The following TMEM50A variants were observed in gnomAD, a reference collection of about 807,000 sequenced individuals.
TMEM50A encodes the protein transmembrane protein 50A.
Under a neutral mutation model 23.9 loss-of-function variants are expected in TMEM50A, and 8 were observed. The observed-to-expected ratio is 0.33, with a 90% CI of 0.20 to 0.60. The LOEUF (loss-of-function observed/expected upper bound fraction) is 0.60. Among genes scored for constraint, TMEM50A ranks in the 20% least tolerant of loss-of-function variants. TMEM50A has a pLI of 0.81. For synonymous variants in TMEM50A, 55 were observed against 60.4 expected (o/e 0.91, Z 0.41); for missense variants, 178 against 192.7 (o/e 0.92, Z 0.45).
intron 3 of TMEM50A, among the ~76,000 whole-genome samples, chr1:25,348,794 C>T (rs1039729258): frequency 1.3e-5 from 2 of 152,078 alleles, no homozygotes; most frequent in Admixed American, 6.5e-5. Flanking sequence ...TCTGTTTTCT[C>T]TTTCTCTAAC....
At chr1:25,338,506 G>C (rs1186159167) in intron 1 of TMEM50A, 50 bp downstream of exon 1, 1 of 152,458 alleles carries the variant, frequency 6.6e-6, no homozygotes, top group South Asian at 2.1e-4. Flanking sequence ...CCGCAGGCTG[G>C]AGAGGCCTCG....
chr1:25,341,296 C>T (rs1018052932), intron 2 of TMEM50A, among the ~76,000 whole-genome samples: 2 of 151,830 alleles, frequency 1.3e-5, no homozygotes, highest in African/African-American at 4.8e-5. Context: ...CTCAGTCTGT[C>T]GCCCAGGCTG....
chr1:25,339,119 G>T (rs1229617325), intron 1 of TMEM50A, among the ~76,000 whole-genome samples: 2 of 152,254 alleles, frequency 1.3e-5, no homozygotes, highest in East Asian at 1.9e-4. Context: ...CTATTGTAGG[G>T]TGTCATATTT....
At chr1:25,360,132 G>A (rs1362515886) in intron 6 of TMEM50A, among the ~76,000 whole-genome samples, 1 of 152,108 alleles carries the variant, frequency 6.6e-6, no homozygotes, top group African/African-American at 2.4e-5. Context: ...GGCGGATCAC[G>A]AGGTCAGGAG....
intron 3 of TMEM50A, among the ~76,000 whole-genome samples, chr1:25,346,633 C>G (rs528566213): frequency 3.0e-4 from 45 of 152,252 alleles, no homozygotes; most frequent in South Asian, 1.7e-3. Context: ...CTCCTGGTCT[C>G]AAGTGATTCT....
chr1:25,356,643 C>G (rs547552544), intron 5 of TMEM50A, 150 bp from the exon 6 acceptor site: 58 of 594,642 alleles, frequency 9.8e-5, no homozygotes, highest in African/African-American at 7.7e-4. Context: ...ATGCTAGACT[C>G]TGTTACACAT....
intron 3 of TMEM50A, among the ~76,000 whole-genome samples, chr1:25,344,845 G>GT (rs903406937): frequency 2.6e-5 from 4 of 151,756 alleles, no homozygotes; most frequent in Non-Finnish European, 5.9e-5. Context: ...GCCTTGTTCA[G>GT]TTTTTTGTTT....
At position 25,340,479 on chromosome 1, in the gene TMEM50A, TG is replaced by T. The variant is rs1645155857; in HGVS notation, c.-7del. On this transcript the variant is annotated 5_prime_UTR_variant, in exon 2 of 7. Transcript: ENST00000374358. Reference sequence around the variant, plus strand: ...TTTGTTTGTTTGTTTTTAAGTGACCTGAAAAAAATGTCTGGATTTCTAGAGG... The same window carrying T: ...TTTGTTTGTTTGTTTTTAAGTGACCTAAAAAAATGTCTGGATTTCTAGAGG... The T allele has an allele frequency of 6.2e-7, 1 of 1,610,504 alleles. No homozygotes were observed. Among genetic ancestry groups the T allele is most frequent in the East Asian group, 2.2e-5 (1 of 44,806 alleles).
chr1:25,359,939 C>G (rs1179133162), intron 6 of TMEM50A, among the ~76,000 whole-genome samples: 1 of 152,298 alleles, frequency 6.6e-6, no homozygotes, highest in African/African-American at 2.4e-5. Context: ...CCTTCCCCAA[C>G]CACCCCCACA....
Position 25,342,981 on chromosome 1 carries a change from TA to T in TMEM50A, c.115del (p.Ile39SerfsTer2). The T allele has an allele frequency of 6.2e-7, 1 of 1,613,098 alleles. No individual in the cohort carries two copies. Among genetic ancestry groups the T allele is most frequent in the Non-Finnish European group, 8.5e-7 (1 of 1,179,706 alleles). ...TTTAGTTTTTTACAGGCTGGTGGAT[TA>T]TCATAGATGCAGCTGTTATTTATCC... Reference protein sequence around the residue: ...GVLFFTGWWIIIDAAVIYPTM... With the variant: ...GVLFFTGWWIXIDAAVIYPTM... On this transcript the variant is annotated frameshift_variant, in exon 3 of 7. Coordinates refer to ENST00000374358, the MANE Select transcript of TMEM50A (RefSeq NM_014313.4). LOFTEE classifies it high-confidence loss of function.
At chr1:25,342,751 G>A in intron 2 of TMEM50A, 1 of 356,982 alleles carries the variant, frequency 2.8e-6, no homozygotes, top group Non-Finnish European at 5.1e-6. Flanking sequence ...ATTGAAGTAG[G>A]CTTAGAGAAA....
intron 5 of TMEM50A, among the ~76,000 whole-genome samples, chr1:25,353,946 G>A (rs959794515): frequency 3.3e-5 from 5 of 151,810 alleles, no homozygotes; most frequent in Middle Eastern, 3.2e-3. Context: ...CTCATAGATG[G>A]GAGTAATAGA....
At position 25,360,644 on chromosome 1, in the gene TMEM50A, C is replaced by A. The variant is rs762911679; in HGVS notation, c.429-16C>A. ...AAATTCAGGGAGTCATGTGATATTT[C>A]TTGTTTTATTCACAGAGGGCTGGTT... On this transcript the variant is annotated splice_polypyrimidine_tract_variant and intron_variant, in intron 6 of 6. Transcript: ENST00000374358. 6.2e-7 allele frequency: 1 copy of A among 1,613,830 alleles called. No individual in the cohort carries two copies. The highest frequency in any genetic ancestry group is 8.5e-7 in the Non-Finnish European group (1 of 1,179,870).
rs914348135 is a variant in TMEM50A, at chr1:25,361,324, T to C, written c.*619T>C. 2 of 152,486 alleles carry C rather than the reference T, an allele frequency of 1.3e-5. No individual in the cohort carries two copies. Among genetic ancestry groups the C allele is most frequent in the African/African-American group, 4.8e-5 (2 of 41,440 alleles). The allele number at this position is 152,486 out of a possible 1,614,324, so 9.4% of individuals were successfully genotyped here. ...TCCCTTCCATGGGAAGGTCTTCCGC[T>C]GTGCCTCTCATTCCAAGGGCAGGAA... On this transcript the variant is annotated 3_prime_UTR_variant, in exon 7 of 7. Coordinates refer to ENST00000374358, the MANE Select transcript of TMEM50A (RefSeq NM_014313.4).
At position 25,361,624 on chromosome 1, in the gene TMEM50A, C is replaced by G. The variant is rs550870250; in HGVS notation, c.*919C>G. 6.6e-6 allele frequency: 1 copy of G among 152,316 alleles called. No individual in the cohort carries two copies. Among genetic ancestry groups the G allele is most frequent in the East Asian group, 1.9e-4 (1 of 5,212 alleles). 9.4% of individuals were successfully genotyped at this position (152,316 alleles called of 1,614,324 possible). On this transcript the variant is annotated 3_prime_UTR_variant, in exon 7 of 7. Transcript: ENST00000374358. ...CTTCCTCTTCAGAACTCTTGTCCCCCCAGGCTCCCCACCTCTGCAAGATGG... is the reference window on the plus strand; with the variant it reads ...CTTCCTCTTCAGAACTCTTGTCCCCGCAGGCTCCCCACCTCTGCAAGATGG...
At chr1:25,349,774 CCTA>C (rs1399913796) in intron 3 of TMEM50A, among the ~76,000 whole-genome samples, 3 of 152,212 alleles carry the variant, frequency 2.0e-5, no homozygotes, top group Non-Finnish European at 4.4e-5. Flanking sequence ...TTATTGAGCA[CCTA>C]CTATGTGCGA....
intron 2 of TMEM50A, among the ~76,000 whole-genome samples, chr1:25,341,537 C>T (rs1406164777): frequency 1.3e-5 from 2 of 152,100 alleles, no homozygotes; most frequent in African/African-American, 2.4e-5. Context: ...TGAGCCACCG[C>T]GCCTGGCCTT....
intron 6 of TMEM50A, among the ~76,000 whole-genome samples, chr1:25,357,528 AGTGTGTGT>A (rs58801158): frequency 0.012 from 1,681 of 139,644 alleles, 27 homozygotes; most frequent in African/African-American, 0.037. Flanking sequence ...CTGCATCAGG[AGTGTGTGT>A]GTGTGTGTGT....
chr1:25,353,784 C>T (rs1195952507), intron 5 of TMEM50A, among the ~76,000 whole-genome samples: 1 of 152,052 alleles, frequency 6.6e-6, no homozygotes, highest in Non-Finnish European at 1.5e-5. Context: ...GGTAAAATTG[C>T]TATGGGTGTC....
Sources: gnomAD v4.1 joint callset for allele counts (sites outside exome capture counted in the v4.1 genomes callset) on GRCh38, gnomAD v4.1.1 for gene constraint, MANE v1.5 for transcripts, NCBI Gene and HGNC (gene_info 2026-07-23, HGNC 2026-07-21) for gene names.